Variants in LNX1 observed in about 807,000 individuals in gnomAD.
LNX1 encodes E3 ubiquitin-protein ligase LNX.
LNX1 carries 54 observed loss-of-function variants against 68.4 expected under a neutral mutation model. The observed-to-expected ratio is 0.79, with a 90% CI of 0.63 to 0.99. LNX1 has a LOEUF of 0.99. LNX1 is among the 50% of genes least tolerant of loss of function. The pLI is 0.00. For synonymous variants in LNX1, 336 were observed against 350.0 expected (o/e 0.96, Z 0.45); for missense variants, 906 against 926.4 (o/e 0.98, Z 0.29).
chr4:53,651,183 A>C (rs539827309), intron 1 of LNX1, among the ~76,000 whole-genome samples: 7 of 152,200 alleles, frequency 4.6e-5, no homozygotes, highest in East Asian at 1.9e-4. Context: ...GCAAATGTTC[A>C]CTCAACAAAT....
At chr4:53,595,503 C>T (rs1219870663), upstream of LNX1, among the ~76,000 whole-genome samples, 1 of 152,180 alleles carries the variant, frequency 6.6e-6, no homozygotes, top group Non-Finnish European at 1.5e-5. Flanking sequence ...GCTAAACTTC[C>T]AGGATATGCC....
At chr4:53,510,809 C>T (rs570191398) in intron 2 of LNX1, among the ~76,000 whole-genome samples, 12 of 152,268 alleles carry the variant, frequency 7.9e-5, no homozygotes, top group South Asian at 2.1e-4. Flanking sequence ...AGAATAGTAA[C>T]GTTATTTTCC....
chr4:53,557,842 A>C, intron 2 of LNX1: 1 of 1,612,528 alleles, frequency 6.2e-7, no homozygotes, highest in Non-Finnish European at 8.5e-7. Context: ...TAGGCACATA[A>C]ACACACAGGC....
At chr4:53,567,514 A>G (rs1198641924) in intron 2 of LNX1, among the ~76,000 whole-genome samples, 2 of 152,258 alleles carry the variant, frequency 1.3e-5, no homozygotes, top group African/African-American at 4.8e-5. Context: ...AGGGAAATTT[A>G]TAGCACTAAG....
At chr4:53,604,222 C>A (rs930681407) in intron 2 of LNX1, among the ~76,000 whole-genome samples, 30 of 152,192 alleles carry the variant, frequency 2.0e-4, no homozygotes, top group African/African-American at 6.7e-4. Context: ...TCCCTGCTGC[C>A]CCACTAGAAA....
chr4:53,558,169 G>A, intron 2 of LNX1: 2 of 1,370,120 alleles, frequency 1.5e-6, no homozygotes, highest in Non-Finnish European at 9.4e-7. Context: ...CAGATGAGAG[G>A]ATGTAGGAAC....
Position 53,468,180 on chromosome 4 carries a change from C to T in LNX1, c.1893-6587G>A, listed in dbSNP as rs187870767. 1.4e-4 allele frequency among the ~76,000 whole-genome samples: 22 copies of T among 152,208 alleles called. No homozygotes were observed. In the East Asian group the frequency reaches 4.2e-3, roughly 29 times the overall value. ...CTACAAGCCAGAAGAGAGTGGGGGC[C>T]AATATTCAACATCCTTAAAAGAAAA... On this transcript the variant is annotated intron_variant, in intron 9 of 10. Transcript: ENST00000263925.
intron 2 of LNX1, among the ~76,000 whole-genome samples, chr4:53,570,739 A>G (rs980083032): frequency 4.0e-5 from 6 of 151,514 alleles, no homozygotes; most frequent in Admixed American, 1.3e-4. Flanking sequence ...AAAAAAAAGA[A>G]TCTTTTGGCT....
rs1343745163 is a variant in LNX1 at position 53,573,941 on chromosome 4, T to A, written c.62A>T (p.His21Leu). The stretch of plus-strand genomic sequence containing the variant: ...GTAGAAGTGGTTTTCCTCCAAGGAG[T>A]GGGCTTGGCCACACACTGCACACAG... ...EPLCAVCGQA[H>L]SLEENHFYSY... Residue 21 changes from histidine to leucine, a missense_variant, in exon 2 of 11, where the codon CAC becomes CTC. Transcript: ENST00000263925. 1 of 1,613,446 alleles carries A rather than the reference T, an allele frequency of 6.2e-7. No homozygotes were observed. The highest frequency in any genetic ancestry group is 8.5e-7 in the Non-Finnish European group (1 of 1,179,802).
At chr4:53,621,910 T>C (rs1486799152), upstream of LNX1, among the ~76,000 whole-genome samples, 1 of 151,996 alleles carries the variant, frequency 6.6e-6, no homozygotes. Context: ...AGTGAAGAAG[T>C]TGTAATAGGC....
chr4:53,556,561 A>C (rs1168068713), intron 2 of LNX1, among the ~76,000 whole-genome samples: 3 of 152,190 alleles, frequency 2.0e-5, no homozygotes, highest in African/African-American at 7.2e-5. Context: ...GAGAGGAATG[A>C]GCCTTTTCAT....
intron 9 of LNX1, among the ~76,000 whole-genome samples, chr4:53,474,387 T>C (rs1723428026): frequency 1.3e-5 from 2 of 152,218 alleles, no homozygotes; most frequent in African/African-American, 2.4e-5. Context: ...CATTCATTCA[T>C]GTATTGCCTG....
intron 2 of LNX1, among the ~76,000 whole-genome samples, chr4:53,517,010 C>T (rs1336622783): frequency 1.3e-5 from 2 of 152,204 alleles, no homozygotes; most frequent in Non-Finnish European, 2.9e-5. Context: ...GGTTTGTTTT[C>T]TCCCAGCAGA....
intron 2 of LNX1, among the ~76,000 whole-genome samples, chr4:53,520,333 G>A (rs1727121295): frequency 1.3e-5 from 2 of 152,252 alleles, no homozygotes; most frequent in South Asian, 4.1e-4. Flanking sequence ...GCTCCCTGGA[G>A]TGACAACTCA....
At chr4:53,622,761 A>T (rs572178694) in intron 1 of LNX1, among the ~76,000 whole-genome samples, 1 of 152,324 alleles carries the variant, frequency 6.6e-6, no homozygotes, top group African/African-American at 2.4e-5. Flanking sequence ...GAAAACACTC[A>T]CTGCTGGAAA....
intron 2 of LNX1, among the ~76,000 whole-genome samples, chr4:53,542,807 A>G (rs1433705888): frequency 6.6e-6 from 1 of 152,192 alleles, no homozygotes; most frequent in Non-Finnish European, 1.5e-5. Flanking sequence ...TATTCGGAAC[A>G]CGTGACCCAG....
chr4:53,545,802 ATTTTTTTTTTT>A (rs71197029), intron 2 of LNX1, among the ~76,000 whole-genome samples: 2 of 111,628 alleles, frequency 1.8e-5, no homozygotes, highest in Non-Finnish European at 3.5e-5. Flanking sequence ...CAGAGGCCAC[ATTTTTTTTTTT>A]TTTTTTTTTT....
In LNX1 at chr4:53,498,638, T is replaced by C; in HGVS notation, c.978+3A>G. ...GCTGCAGCCCCACAGCCACAGTCTC[T>C]ACCTTTAGAATGATGTCTCCTGGCA... On this transcript the variant is annotated splice_donor_region_variant and intron_variant, in intron 5 of 10. Transcript: ENST00000263925. 1.2e-6 allele frequency: 2 copies of C among 1,612,856 alleles called. No homozygotes were observed. Among genetic ancestry groups the C allele is most frequent in the Non-Finnish European group, 8.5e-7 (1 of 1,178,802 alleles).
At chr4:53,550,593 T>C (rs1461317444) in intron 2 of LNX1, among the ~76,000 whole-genome samples, 1 of 152,184 alleles carries the variant, frequency 6.6e-6, no homozygotes, top group Non-Finnish European at 1.5e-5. Context: ...ACAGTGAAAA[T>C]GAAGTGGGGA....
Sources: allele counts gnomAD v4.1 joint callset (sites outside exome capture counted in the v4.1 genomes callset), GRCh38; gene constraint gnomAD v4.1.1; transcripts MANE v1.5; gene names NCBI Gene and HGNC (gene_info 2026-07-23, HGNC 2026-07-21).